Variants in C3orf20 observed in about 807,000 individuals in gnomAD.
C3orf20 encodes the protein family with sequence similarity 149 member C.
A neutral mutation model predicts 88.3 loss-of-function variants in C3orf20; 76 were observed. That is an observed-to-expected ratio of 0.86 (90% CI 0.72 to 1.04). The LOEUF (loss-of-function observed/expected upper bound fraction) is 1.04, where lower values mean the gene tolerates loss of function less well. C3orf20 is among the 50% of genes least tolerant of loss of function. C3orf20 has a pLI of 0.00. For missense variants in C3orf20, 1,056 were observed against 1,123.3 expected, an observed-to-expected ratio of 0.94 and a Z score of 0.86; for synonymous variants, 436 against 437.4, an observed-to-expected ratio of 1.00 and a Z score of 0.04.
intron 12 of C3orf20, among the ~76,000 whole-genome samples, chr3:14,740,610 G>A (rs1168673429): frequency 1.3e-5 from 2 of 152,284 alleles, no homozygotes; most frequent in African/African-American, 4.8e-5. Flanking sequence ...AAAAAACACA[G>A]TATCTGCAAC....
At chr3:14,731,897 A>G (rs900263379) in intron 12 of C3orf20, among the ~76,000 whole-genome samples, 2 of 152,232 alleles carry the variant, frequency 1.3e-5, no homozygotes, top group African/African-American at 4.8e-5. Flanking sequence ...CCATTCAACC[A>G]CTGAAAGACA....
At position 14,678,503 on chromosome 3, in the gene C3orf20, G is replaced by A. The variant is rs545702049; in HGVS notation, c.-299+3251G>A. ...CTCTACTGTGAGCCCCTCGAGAGCA[G>A]GGCCCATGCCTTCCCCATCCCTGTC... On this transcript the variant is annotated intron_variant, in intron 1 of 16. Coordinates refer to ENST00000253697, the MANE Select transcript of C3orf20 (RefSeq NM_032137.5). 4.0e-3 allele frequency among the ~76,000 whole-genome samples: 607 copies of A among 152,344 alleles called. 3 individuals carry two copies. Among genetic ancestry groups the A allele is most frequent in the Non-Finnish European group, 6.4e-3 (436 of 68,030 alleles).
At chr3:14,681,383 G>A (rs56275211) in intron 1 of C3orf20, among the ~76,000 whole-genome samples, 2,650 of 152,322 alleles carry the variant, frequency 0.017, 62 homozygotes, top group African/African-American at 0.06. Flanking sequence ...TGGAGTGGTT[G>A]TCAGGATAAA....
chr3:14,707,217 C>T (rs1380666675), intron 7 of C3orf20, among the ~76,000 whole-genome samples: 1 of 131,392 alleles, frequency 7.6e-6, no homozygotes, highest in Non-Finnish European at 1.5e-5. Flanking sequence ...CCACTGCACT[C>T]CATCTTGGGC....
rs117704209 is a variant in C3orf20, at chr3:14,712,227, A to G, written c.1161-1780A>G. On this transcript the variant is annotated intron_variant, in intron 7 of 16. Transcript: ENST00000253697. ...ACACACACACACACAGAAGAAAGCT[A>G]TGTGGTGACTGAGGCAGAGATTGAA... Among the ~76,000 whole-genome samples, 16 of 151,736 alleles carry G rather than the reference A, an allele frequency of 1.1e-4. No individual in the cohort carries two copies. The East Asian group carries it at 2.7e-3, about 26-fold the overall frequency.
rs9830589 is a variant in C3orf20 at position 14,690,116 on chromosome 3, G to C, written c.745G>C (p.Gly249Arg). 365 of 1,614,060 alleles carry C rather than the reference G, an allele frequency of 2.3e-4. 2 individuals carry two copies. In the African/African-American group the frequency reaches 4.5e-3, roughly 20 times the overall value. Reference protein sequence around the residue: ...SAGKEAKKKIGKSRTTEDVSM... With the variant: ...SAGKEAKKKIRKSRTTEDVSM... The stretch of plus-strand genomic sequence containing the variant: ...TGGAAAAGAAGCCAAGAAGAAAATA[G>C]GTAAAAATGGTTCCTCGTGGCCTAC... The change falls in exon 5 of 17, where the codon GGC (glycine) becomes CGC (arginine). Residue 249 changes from glycine (G) to arginine (R), a missense_variant and splice_region_variant. By Grantham distance (125) the Gly-to-Arg change is moderately radical. Coordinates refer to ENST00000253697, the MANE Select transcript of C3orf20 (RefSeq NM_032137.5).
Position 14,704,560 on chromosome 3 carries a change from G to A in C3orf20, c.1102G>A (p.Ala368Thr). 1 of 1,614,070 alleles carries A rather than the reference G, an allele frequency of 6.2e-7. No individual in the cohort carries two copies. The highest frequency in any genetic ancestry group is 8.5e-7 in the Non-Finnish European group (1 of 1,180,006). The change falls in exon 7 of 17, where the codon GCA becomes ACA. Residue 368 changes from alanine (A) to threonine (T), a missense_variant. Ala to Thr is a moderately conservative substitution (Grantham distance 58). Transcript: ENST00000253697. ...HFSQHCQEGK[A>T]PKKAFKFHYT... is the part of the protein sequence containing the mutation. ...CAGTCAGCATTGTCAAGAGGGGAAG[G>A]CACCCAAGAAGGCCTTCAAGTTTCA...
chr3:14,705,092 A>G (rs2033443355), intron 7 of C3orf20, among the ~76,000 whole-genome samples: 1 of 152,206 alleles, frequency 6.6e-6, no homozygotes, highest in African/African-American at 2.4e-5. Flanking sequence ...ACCTCACCCC[A>G]AATGCGCTAT....
At chr3:14,736,489 C>T (rs999485434) in intron 12 of C3orf20, among the ~76,000 whole-genome samples, 3 of 152,020 alleles carry the variant, frequency 2.0e-5, no homozygotes, top group Non-Finnish European at 4.4e-5. Context: ...TGAGATTTCA[C>T]CATATTGGCC....
At chr3:14,689,858 C>T (rs2032628142) in intron 4 of C3orf20, 139 bp from the exon 5 acceptor site, 2 of 1,101,320 alleles carry the variant, frequency 1.8e-6, no homozygotes, top group Non-Finnish European at 2.6e-6. Context: ...CTTCCAAGAT[C>T]TAGGTGTTTT....
Position 14,703,260 on chromosome 3 carries a change from C to T in C3orf20, c.876C>T (p.His292=). ...AGAAGCTGCAGGAGTTGTGTCGCCA[C>T]ATGTGAGCACCTCAGTGCTTGGGTC... ...AREKLQELCR[H]IEAERATWKG... is the part of the protein sequence containing the mutation. Residue 292 remains histidine (H), a splice_region_variant and synonymous_variant, in exon 6 of 17, where the codon CAC becomes CAT. Coordinates refer to ENST00000253697, the MANE Select transcript of C3orf20 (RefSeq NM_032137.5). 1 of 1,614,064 alleles carries T rather than the reference C, an allele frequency of 6.2e-7. No individual in the cohort carries two copies. The highest frequency in any genetic ancestry group is 8.5e-7 in the Non-Finnish European group (1 of 1,180,018).
chr3:14,749,840 C>T (rs896541139), intron 12 of C3orf20, among the ~76,000 whole-genome samples: 4 of 151,936 alleles, frequency 2.6e-5, no homozygotes, highest in African/African-American at 9.7e-5. Context: ...ACCAACTTAG[C>T]TTTAGTAGCA....
In C3orf20 at chr3:14,721,815, T is replaced by C. The variant is rs750765787; in HGVS notation, c.1566+31T>C. ...GCAAGGCAGACTATGCACCCAGCCCTGACCCCTGGGCATCTCAACGTGGGT... is the reference window on the plus strand; with the variant it reads ...GCAAGGCAGACTATGCACCCAGCCCCGACCCCTGGGCATCTCAACGTGGGT... On this transcript the variant is annotated intron_variant, in intron 10 of 16. Coordinates refer to ENST00000253697, the MANE Select transcript of C3orf20 (RefSeq NM_032137.5). The C allele has an allele frequency of 3.7e-6, 6 of 1,612,710 alleles. No homozygotes were observed. In the South Asian group the frequency reaches 5.5e-5, roughly 15 times the overall value.
intron 11 of C3orf20, 96 bp downstream of exon 11, chr3:14,727,120 C>A: frequency 7.4e-7 from 1 of 1,356,034 alleles, no homozygotes; most frequent in Non-Finnish European, 1.0e-6. Flanking sequence ...TTTACTTTAC[C>A]GCCCATTCCA....
chr3:14,761,387 T>G, intron 14 of C3orf20, 86 bp from the exon 15 acceptor site: 15 of 1,523,098 alleles, frequency 9.8e-6, no homozygotes, highest in African/African-American at 2.7e-5. Flanking sequence ...GCTGTTCTAG[T>G]GAAATTCCAA....
intron 1 of C3orf20, among the ~76,000 whole-genome samples, chr3:14,677,118 T>C (rs1032279119): frequency 1.3e-4 from 20 of 152,178 alleles, no homozygotes; most frequent in African/African-American, 4.6e-4. Flanking sequence ...GCTGCCCTTA[T>C]CAGAAGTATT....
rs570809960 is a variant in C3orf20 at position 14,699,278 on chromosome 3, G to A, written c.746-3852G>A. ...TGAGCTAGTACATAAGGTGCAAGAC[G>A]AAGTCCTCTTTACTTTTCCCTCTGC... On this transcript the variant is annotated intron_variant, in intron 5 of 16. Transcript: ENST00000253697. 3.4e-3 allele frequency among the ~76,000 whole-genome samples: 518 copies of A among 152,308 alleles called. 1 individual carries two copies. Among genetic ancestry groups the A allele is most frequent in the African/African-American group, 0.012 (495 of 41,558 alleles).
At chr3:14,746,709 C>T (rs2035067819) in intron 12 of C3orf20, among the ~76,000 whole-genome samples, 1 of 152,036 alleles carries the variant, frequency 6.6e-6, no homozygotes, top group African/African-American at 2.4e-5. Flanking sequence ...ACAAAGAGGC[C>T]ATAAGGAAGG....
chr3:14,715,372 C>G lies in C3orf20; in HGVS notation c.1397C>G (p.Thr466Ser). 1 of 1,612,440 alleles carries G rather than the reference C, an allele frequency of 6.2e-7. No individual in the cohort carries two copies. The highest frequency in any genetic ancestry group is 8.5e-7 in the Non-Finnish European group (1 of 1,179,780). Reference sequence around the variant, plus strand: ...TATGTAGTCCACAAGTGGAGCTGGACTTCCAGGACAGAGACCCTGCTTTCC... The same window carrying G: ...TATGTAGTCCACAAGTGGAGCTGGAGTTCCAGGACAGAGACCCTGCTTTCC... Reference protein sequence around the residue: ...QGYVVHKWSWTSRTETLLSLE... With the variant: ...QGYVVHKWSWSSRTETLLSLE... Residue 466 changes from threonine to serine, a missense_variant, in exon 9 of 17, where the codon ACT becomes AGT. Physicochemically the swap from Thr to Ser is moderately conservative, Grantham distance 58 (BLOSUM62 1). Coordinates refer to ENST00000253697, the MANE Select transcript of C3orf20 (RefSeq NM_032137.5).
Sources: gnomAD v4.1 joint callset for allele counts (sites outside exome capture counted in the v4.1 genomes callset) on GRCh38, gnomAD v4.1.1 for gene constraint, MANE v1.5 for transcripts, NCBI Gene and HGNC (gene_info 2026-07-23, HGNC 2026-07-21) for gene names.